Variants in CPQ observed in about 807,000 individuals in gnomAD.
The protein encoded by CPQ is carboxypeptidase Q, also known as Ser-Met dipeptidase.
In CPQ, 37 loss-of-function variants were observed where a neutral mutation model predicts 45.7. That is an observed-to-expected ratio of 0.81 (90% CI 0.62 to 1.07). CPQ has a LOEUF of 1.07. Among genes scored for constraint, CPQ ranks in the 50% least tolerant of loss-of-function variants. The pLI is 0.00. For synonymous variants in CPQ, 186 were observed against 205.8 expected, an observed-to-expected ratio of 0.90 and a Z score of 0.82; for missense variants, 537 against 572.9, an observed-to-expected ratio of 0.94 and a Z score of 0.64.
intron 7 of CPQ, among the ~76,000 whole-genome samples, chr8:97,132,522 C>T (rs148842587): frequency 4.1e-4 from 63 of 152,294 alleles, no homozygotes; most frequent in Middle Eastern, 3.4e-3. Context: ...GTTCAAATGT[C>T]ATCTCTGCTA....
intron 4 of CPQ, among the ~76,000 whole-genome samples, chr8:96,915,367 G>A (rs961592371): frequency 6.6e-6 from 1 of 152,024 alleles, no homozygotes; most frequent in Non-Finnish European, 1.5e-5. Context: ...TTGATCACTG[G>A]AAACATGCCT....
chr8:96,807,679 T>A (rs1410700971), intron 2 of CPQ, among the ~76,000 whole-genome samples: 5 of 152,226 alleles, frequency 3.3e-5, no homozygotes, highest in Non-Finnish European at 5.9e-5. Context: ...TCATTTATCC[T>A]GCAATATCTG....
At chr8:96,726,553 G>A (rs1809842610) in intron 1 of CPQ, among the ~76,000 whole-genome samples, 1 of 152,064 alleles carries the variant, frequency 6.6e-6, no homozygotes, top group Non-Finnish European at 1.5e-5. Context: ...AGGAGCAAGA[G>A]GGCGAGGGGT....
chr8:96,950,546 AG>A (rs1813247139), intron 4 of CPQ, among the ~76,000 whole-genome samples: 1 of 152,038 alleles, frequency 6.6e-6, no homozygotes, highest in Non-Finnish European at 1.5e-5. Flanking sequence ...CTGAAATAGG[AG>A]GCTTTTTAAT....
rs1253155047 is a variant in CPQ at position 96,965,838 on chromosome 8, A to T, written c.850-97A>T. On this transcript the variant is annotated intron_variant, in intron 4 of 7. Coordinates refer to ENST00000220763, the MANE Select transcript of CPQ (RefSeq NM_016134.4). ...ACATAAAAATAGGAAAGAAAATATA[A>T]AAGTTTCATTTTTATATTTTGAATA... The T allele has an allele frequency of 8.3e-6, 6 of 724,714 alleles. No homozygotes were observed. The African/African-American group carries it at 1.1e-4, about 13-fold the overall frequency. The allele number at this position is 724,714 out of a possible 1,614,324, so 44.9% of individuals were successfully genotyped here. A position where few individuals can be genotyped will look rare whatever the true frequency, so the allele number is the denominator to read the frequency against.
chr8:96,679,372 A>C (rs1344648404), intron 1 of CPQ, among the ~76,000 whole-genome samples: 1 of 151,826 alleles, frequency 6.6e-6, no homozygotes, highest in Non-Finnish European at 1.5e-5. Context: ...ATTGGCTTTT[A>C]GTTTTCTTTT....
intron 1 of CPQ, among the ~76,000 whole-genome samples, chr8:96,753,239 CTGT>C (rs1350234779): frequency 3.3e-5 from 5 of 151,916 alleles, no homozygotes; most frequent in Non-Finnish European, 7.4e-5. Context: ...TATTTCAGGC[CTGT>C]TTGTTTTGTT....
chr8:97,086,309 T>A (rs1811040015), intron 7 of CPQ, among the ~76,000 whole-genome samples: 1 of 152,202 alleles, frequency 6.6e-6, no homozygotes, highest in African/African-American at 2.4e-5. Flanking sequence ...GAAGCTAATA[T>A]TTATTGAAGA....
At chr8:96,683,826 T>A (rs2130731346) in intron 1 of CPQ, among the ~76,000 whole-genome samples, 1 of 152,166 alleles carries the variant, frequency 6.6e-6, no homozygotes. Context: ...TATACTCTAT[T>A]GTAGAAGCTC....
At chr8:96,844,111 G>T (rs1249577781) in intron 3 of CPQ, among the ~76,000 whole-genome samples, 1 of 152,112 alleles carries the variant, frequency 6.6e-6, no homozygotes, top group African/African-American at 2.4e-5. Flanking sequence ...TGAATCTCTA[G>T]TGGCAAAAAG....
At chr8:96,735,979 C>A (rs1213860644) in intron 1 of CPQ, among the ~76,000 whole-genome samples, 2 of 152,204 alleles carry the variant, frequency 1.3e-5, no homozygotes, top group East Asian at 3.9e-4. Context: ...TTTTGGGTCA[C>A]ACCGAGATAC....
chr8:96,898,895 A>G (rs1176171800), intron 4 of CPQ, among the ~76,000 whole-genome samples: 1 of 152,078 alleles, frequency 6.6e-6, no homozygotes, highest in African/African-American at 2.4e-5. Context: ...CTAGCCATCC[A>G]GCCACCCAGA....
chr8:96,996,777 A>G (rs543355376), intron 5 of CPQ, among the ~76,000 whole-genome samples: 1 of 152,040 alleles, frequency 6.6e-6, no homozygotes, highest in African/African-American at 2.4e-5. Flanking sequence ...AAGAATTATC[A>G]TTAGGTCATA....
chr8:96,664,765 G>A (rs1030049668), intron 1 of CPQ, among the ~76,000 whole-genome samples: 1 of 152,342 alleles, frequency 6.6e-6, no homozygotes, highest in East Asian at 1.9e-4. Flanking sequence ...AATCTGAAAT[G>A]GTGATTTGTG....
intron 5 of CPQ, among the ~76,000 whole-genome samples, chr8:96,993,251 T>G (rs1809125650): frequency 6.6e-6 from 1 of 152,208 alleles, no homozygotes; most frequent in Non-Finnish European, 1.5e-5. Context: ...ATGCATTATT[T>G]GCTTCTTGAA....
intron 5 of CPQ, among the ~76,000 whole-genome samples, chr8:96,977,533 G>A (rs1034388535): frequency 8.5e-5 from 13 of 152,106 alleles, no homozygotes; most frequent in Admixed American, 7.9e-4. Context: ...AAAGATGCTT[G>A]CCCACTCATG....
chr8:96,972,749 T>A (rs1026050058), intron 5 of CPQ, among the ~76,000 whole-genome samples: 3 of 152,202 alleles, frequency 2.0e-5, no homozygotes, highest in Non-Finnish European at 4.4e-5. Context: ...TGAAGCCCAG[T>A]AGCTCCTCTG....
At chr8:96,781,572 G>A (rs1174034082) in intron 1 of CPQ, among the ~76,000 whole-genome samples, 1 of 152,142 alleles carries the variant, frequency 6.6e-6, no homozygotes, top group Non-Finnish European at 1.5e-5. Flanking sequence ...CATGAATTTG[G>A]AGGGACAAAA....
chr8:96,771,012 T>G (rs1447015725), intron 1 of CPQ, among the ~76,000 whole-genome samples: 1 of 148,060 alleles, frequency 6.8e-6, no homozygotes, highest in Non-Finnish European at 1.5e-5. Context: ...AGAGAACATA[T>G]TGGAGAAGAG....
Sources: gnomAD v4.1 joint callset for allele counts (sites outside exome capture counted in the v4.1 genomes callset) on GRCh38, gnomAD v4.1.1 for gene constraint, MANE v1.5 for transcripts, NCBI Gene and HGNC (gene_info 2026-07-23, HGNC 2026-07-21) for gene names.